Variants in MRTFB observed in about 807,000 individuals in gnomAD.
MRTFB encodes the protein myocardin related transcription factor B.
MRTFB carries 29 observed loss-of-function variants against 104.2 expected under a neutral mutation model. The observed-to-expected ratio is 0.28, with a 90% CI of 0.21 to 0.38. The LOEUF (loss-of-function observed/expected upper bound fraction) is 0.38, where lower values mean the gene tolerates loss of function less well. Ranked by LOEUF, MRTFB falls within the 10% of genes least tolerant of loss-of-function variation. The pLI, the probability that MRTFB is intolerant of heterozygous loss-of-function variation, is 1.00. For synonymous variants in MRTFB, 535 were observed against 519.5 expected, an observed-to-expected ratio of 1.03 and a Z score of -0.41; for missense variants, 1,270 against 1,341.6, an observed-to-expected ratio of 0.95 and a Z score of 0.83.
At chr16:14,133,741 CTAATTA>C (rs2037561852) in intron 2 of MRTFB, among the ~76,000 whole-genome samples, 1 of 152,072 alleles carries the variant, frequency 6.6e-6, no homozygotes, top group African/African-American at 2.4e-5. Context: ...TTAAATCATG[CTAATTA>C]TAATTCAACA....
At chr16:14,141,127 C>T (rs377542770) in intron 3 of MRTFB, 29 of 190,930 alleles carry the variant, frequency 1.5e-4, no homozygotes, top group African/African-American at 3.8e-4. Context: ...TCTCCATCTC[C>T]GGTGTGTTGC....
rs543007421 is a variant in MRTFB at position 14,162,324 on chromosome 16, C to A, written c.154+21564C>A. 8.6e-5 allele frequency among the ~76,000 whole-genome samples: 13 copies of A among 151,718 alleles called. No individual in the cohort carries two copies. In the South Asian group the frequency reaches 1.7e-3, roughly 19 times the overall value. ...TCTCCCCTGGGCAACAGAGCAAGAC[C>A]CTGTTTCCCCCTCTCTTTCCCCAAA... On this transcript the variant is annotated intron_variant, in intron 3 of 16. Coordinates refer to ENST00000571589, the MANE Select transcript of MRTFB (RefSeq NM_001308142.2).
intron 15 of MRTFB, among the ~76,000 whole-genome samples, chr16:14,256,232 CAAATATA>C (rs921832542): frequency 8.2e-5 from 10 of 121,314 alleles, no homozygotes; most frequent in South Asian, 2.5e-4. Flanking sequence ...GAATAGAAGA[CAAATATA>C]AAATATAAAA....
chr16:14,072,693 G>A (rs2033786514), intron 1 of MRTFB, among the ~76,000 whole-genome samples: 1 of 152,158 alleles, frequency 6.6e-6, no homozygotes, highest in Non-Finnish European at 1.5e-5. Flanking sequence ...TTCAGGGAAA[G>A]AGCAGAGATA....
intron 12 of MRTFB, 108 bp from the exon 13 acceptor site, chr16:14,248,818 T>A (rs921880466): frequency 8.3e-7 from 1 of 1,203,872 alleles, no homozygotes; most frequent in Non-Finnish European, 1.2e-6. Flanking sequence ...CTTGGTCTTA[T>A]TTCATTTAGA....
At chr16:14,115,620 T>C (rs892027445) in intron 2 of MRTFB, among the ~76,000 whole-genome samples, 3 of 152,174 alleles carry the variant, frequency 2.0e-5, no homozygotes, top group East Asian at 1.9e-4. Flanking sequence ...CCAGTGAAGT[T>C]TGAGGCAGTA....
At chr16:14,237,933 C>T (rs181378352) in intron 9 of MRTFB, among the ~76,000 whole-genome samples, 2 of 152,224 alleles carry the variant, frequency 1.3e-5, no homozygotes, top group East Asian at 1.9e-4. Flanking sequence ...AGGATGGCCA[C>T]GTAGCACTGA....
chr16:14,074,046 T>C (rs2033890972), intron 1 of MRTFB, among the ~76,000 whole-genome samples: 1 of 147,690 alleles, frequency 6.8e-6, no homozygotes, highest in Non-Finnish European at 1.5e-5. Flanking sequence ...AACTCTTCTT[T>C]TAATAATAGT....
chr16:14,056,372 C>G, the MRTFB span, among the ~76,000 whole-genome samples: 1 of 151,984 alleles, frequency 6.6e-6, no homozygotes, highest in African/African-American at 2.4e-5. Context: ...TTCTTCCTTT[C>G]TTATTATTAT....
intron 3 of MRTFB, chr16:14,200,716 G>A (rs370070188): frequency 2.0e-5 from 30 of 1,524,638 alleles, no homozygotes; most frequent in East Asian, 1.8e-4. Flanking sequence ...CTGTGTCAGA[G>A]GCTGAATCAG....
At chr16:14,158,527 T>C (rs1310063133) in intron 3 of MRTFB, among the ~76,000 whole-genome samples, 1 of 152,188 alleles carries the variant, frequency 6.6e-6, no homozygotes, top group Non-Finnish European at 1.5e-5. Context: ...AGCTACCTGG[T>C]TTAGATGGTT....
the MRTFB span, among the ~76,000 whole-genome samples, chr16:13,995,252 C>A: frequency 6.6e-6 from 1 of 152,138 alleles, no homozygotes; most frequent in Non-Finnish European, 1.5e-5. Flanking sequence ...GTAGCAGAAA[C>A]TGGGGTCAGG....
chr16:14,205,098 A>C (rs1266993268), intron 3 of MRTFB, among the ~76,000 whole-genome samples: 2 of 152,340 alleles, frequency 1.3e-5, no homozygotes, highest in African/African-American at 4.8e-5. Flanking sequence ...GAAGCAGAGA[A>C]TCAAAATCTA....
intron 2 of MRTFB, among the ~76,000 whole-genome samples, chr16:14,101,233 G>T (rs1445539117): frequency 6.6e-6 from 1 of 151,498 alleles, no homozygotes; most frequent in African/African-American, 2.4e-5. Flanking sequence ...AGATATTGAG[G>T]CTCAGAGAAG....
the MRTFB span, among the ~76,000 whole-genome samples, chr16:14,016,807 A>ACCTCTTC: frequency 7.1e-6 from 1 of 141,596 alleles, no homozygotes; most frequent in Non-Finnish European, 1.5e-5. Context: ...AAAGACCCTG[A>ACCTCTTC]CCTATTCCCA....
chr16:14,014,384 A>T, the MRTFB span, among the ~76,000 whole-genome samples: 12 of 151,766 alleles, frequency 7.9e-5, no homozygotes, highest in East Asian at 2.3e-3. Context: ...TTGTCTCTAC[A>T]AATTAAAAAA....
intron 2 of MRTFB, among the ~76,000 whole-genome samples, chr16:14,132,622 G>A (rs2037497160): frequency 6.6e-6 from 1 of 152,170 alleles, no homozygotes. Flanking sequence ...AAACAGTAAT[G>A]AAATATCTTA....
chr16:14,000,708 T>C, the MRTFB span, among the ~76,000 whole-genome samples: 5 of 152,166 alleles, frequency 3.3e-5, no homozygotes, highest in African/African-American at 1.2e-4. Flanking sequence ...GGGACACAAG[T>C]ATCATTGTGT....
At chr16:14,127,929 A>ATATATTT (rs1393344981) in intron 2 of MRTFB, among the ~76,000 whole-genome samples, 15 of 44,618 alleles carry the variant, frequency 3.4e-4, no homozygotes, top group Admixed American at 6.5e-4. Flanking sequence ...ATATATATAT[A>ATATATTT]TTTTTTTTTT....
Sources: gnomAD v4.1 joint callset for allele counts (sites outside exome capture counted in the v4.1 genomes callset) on GRCh38, gnomAD v4.1.1 for gene constraint, MANE v1.5 for transcripts, NCBI Gene and HGNC (gene_info 2026-07-23, HGNC 2026-07-21) for gene names.